The following FHIT variants were observed in gnomAD, a reference collection of about 807,000 sequenced individuals.
The protein encoded by FHIT is bis(5'-adenosyl)-triphosphatase.
Under a neutral mutation model 17.9 loss-of-function variants are expected in FHIT, and 19 were observed. That is an observed-to-expected ratio of 1.06 (90% CI 0.74 to 1.56). The LOEUF is 1.56. FHIT is among the 40% of genes most tolerant of loss of function. FHIT has a pLI of 0.00. For missense variants in FHIT, 248 were observed against 189.2 expected (o/e 1.31, Z -1.82); for synonymous variants, 81 against 69.7 (o/e 1.16, Z -0.81).
intron 5 of FHIT, among the ~76,000 whole-genome samples, chr3:60,273,308 C>T (rs1025264082): frequency 1.3e-5 from 2 of 151,666 alleles, no homozygotes; most frequent in Admixed American, 6.6e-5. Context: ...TGTAATTCTT[C>T]TGTTTAAAAG....
chr3:60,498,187 T>C (rs1341037826), intron 5 of FHIT, among the ~76,000 whole-genome samples: 1 of 152,222 alleles, frequency 6.6e-6, no homozygotes, highest in Admixed American at 6.5e-5. Flanking sequence ...CCAGTTTAAA[T>C]ACTATTTTAA....
At chr3:60,702,582 T>C (rs1399881133) in intron 4 of FHIT, among the ~76,000 whole-genome samples, 1 of 152,100 alleles carries the variant, frequency 6.6e-6, no homozygotes, top group Non-Finnish European at 1.5e-5. Context: ...ATTTGATTTT[T>C]ATATATTTAT....
chr3:60,016,772 C>T (rs1700360888), intron 5 of FHIT, among the ~76,000 whole-genome samples: 1 of 152,160 alleles, frequency 6.6e-6, no homozygotes, highest in South Asian at 2.1e-4. Context: ...TTTCTCCACA[C>T]CTAGACCAAA....
At chr3:60,197,893 C>T (rs1277726979) in intron 5 of FHIT, among the ~76,000 whole-genome samples, 1 of 152,154 alleles carries the variant, frequency 6.6e-6, no homozygotes, top group Non-Finnish European at 1.5e-5. Flanking sequence ...TTTGTAACTT[C>T]ACAAACTTGA....
chr3:60,589,929 T>C (rs2038029209), intron 4 of FHIT, among the ~76,000 whole-genome samples: 1 of 152,080 alleles, frequency 6.6e-6, no homozygotes, highest in South Asian at 2.1e-4. Context: ...AGTATGAATC[T>C]GTGGCCTTGA....
rs76990307 is a variant in FHIT at position 60,917,945 on chromosome 3, G to T, written c.-110-95934C>A. Among the ~76,000 whole-genome samples, 1,178 of 152,238 alleles carry T rather than the reference G, an allele frequency of 7.7e-3. 23 individuals carry two copies. The highest frequency in any genetic ancestry group is 0.027 in the African/African-American group (1,107 of 41,540). On this transcript the variant is annotated intron_variant, in intron 3 of 9. Coordinates refer to ENST00000492590, the MANE Select transcript of FHIT (RefSeq NM_002012.4). ...GACTGTGAACTACACCCATTGATATGGTTTGGTTGTGTGCCCACCTAAATC... is the reference window on the plus strand; with the variant it reads ...GACTGTGAACTACACCCATTGATATTGTTTGGTTGTGTGCCCACCTAAATC...
intron 8 of FHIT, among the ~76,000 whole-genome samples, chr3:59,873,031 G>T (rs905264645): frequency 2.0e-5 from 3 of 152,180 alleles, no homozygotes; most frequent in African/African-American, 7.2e-5. Flanking sequence ...TGAGTCAAGG[G>T]TCAAATCACA....
chr3:59,987,745 CTA>C (rs1169126279), intron 7 of FHIT, among the ~76,000 whole-genome samples: 3 of 151,822 alleles, frequency 2.0e-5, no homozygotes, highest in Admixed American at 1.3e-4. Flanking sequence ...GAGTTTGGGG[CTA>C]TTAGGAGAAA....
chr3:59,779,993 G>A (rs1280810646), intron 8 of FHIT, among the ~76,000 whole-genome samples: 1 of 152,202 alleles, frequency 6.6e-6, no homozygotes, highest in Non-Finnish European at 1.5e-5. Context: ...GAAGGTGGGT[G>A]AAAGCCACAA....
chr3:60,108,942 C>T lies in FHIT; in HGVS notation c.104-94790G>A, dbSNP rs554476462. Among the ~76,000 whole-genome samples the T allele has an allele frequency of 7.2e-5, 11 of 152,276 alleles. No individual in the cohort carries two copies. The South Asian group carries it at 1.0e-3, about 14-fold the overall frequency. On this transcript the variant is annotated intron_variant, in intron 5 of 9. Coordinates refer to ENST00000492590, the MANE Select transcript of FHIT (RefSeq NM_002012.4). ...CCTCCCAAAGTGCCAGGATTACAGG[C>T]GTGAGCCACCATGCCCAGCCATTCC...
intron 4 of FHIT, among the ~76,000 whole-genome samples, chr3:60,595,314 C>T (rs569984889): frequency 5.3e-5 from 8 of 150,696 alleles, no homozygotes; most frequent in South Asian, 2.1e-4. Context: ...TAGGGGAAAG[C>T]GAAACATCAG....
chr3:60,407,098 T>G (rs954749224), intron 5 of FHIT, among the ~76,000 whole-genome samples: 7 of 141,278 alleles, frequency 5.0e-5, no homozygotes, highest in African/African-American at 1.9e-4. Flanking sequence ...TTTTTTTGCT[T>G]AAGCTAAATA....
intron 5 of FHIT, among the ~76,000 whole-genome samples, chr3:60,282,227 T>G (rs1460810891): frequency 6.6e-6 from 1 of 152,218 alleles, no homozygotes; most frequent in Admixed American, 6.5e-5. Context: ...ATAGAAACTT[T>G]ATTCATAATA....
Position 60,919,079 on chromosome 3 carries a change from A to G in FHIT, c.-110-97068T>C, listed in dbSNP as rs576248892. On this transcript the variant is annotated intron_variant, in intron 3 of 9. Transcript: ENST00000492590. ...GACACAAAGCAGAGTCAACCTTTAA[A>G]GTAAGCAAAGGGGGCTCAGTGGAAA... 3.3e-4 allele frequency among the ~76,000 whole-genome samples: 51 copies of G among 152,292 alleles called. No homozygotes were observed. The South Asian group carries it at 1.0e-2, about 30-fold the overall frequency.
intron 5 of FHIT, among the ~76,000 whole-genome samples, chr3:60,321,698 A>T (rs933212779): frequency 4.6e-5 from 7 of 152,180 alleles, no homozygotes; most frequent in Non-Finnish European, 1.0e-4. Flanking sequence ...CTCTATCAAA[A>T]TGCCTTAAAT....
intron 8 of FHIT, among the ~76,000 whole-genome samples, chr3:59,821,730 G>T (rs904774933): frequency 2.0e-5 from 3 of 151,824 alleles, no homozygotes; most frequent in South Asian, 2.1e-4. Context: ...GTTTCCTTCT[G>T]CTCCTGGTTC....
chr3:60,674,296 C>T (rs1294616755), intron 4 of FHIT, among the ~76,000 whole-genome samples: 3 of 152,152 alleles, frequency 2.0e-5, no homozygotes, highest in Non-Finnish European at 4.4e-5. Context: ...CCCGCCTCTT[C>T]ATTTTATGTC....
intron 4 of FHIT, among the ~76,000 whole-genome samples, chr3:60,599,625 A>T (rs966388752): frequency 4.6e-5 from 7 of 151,908 alleles, no homozygotes; most frequent in African/African-American, 1.7e-4. Flanking sequence ...TGTTGGTACA[A>T]CAGTAAGACA....
intron 5 of FHIT, among the ~76,000 whole-genome samples, chr3:60,077,784 G>C (rs1365046101): frequency 6.7e-6 from 1 of 148,712 alleles, no homozygotes; most frequent in Non-Finnish European, 1.5e-5. Context: ...AACAAGTCTA[G>C]AGATCTAATA....
Sources: allele counts gnomAD v4.1 joint callset (sites outside exome capture counted in the v4.1 genomes callset), GRCh38; gene constraint gnomAD v4.1.1; transcripts MANE v1.5; gene names NCBI Gene and HGNC (gene_info 2026-07-23, HGNC 2026-07-21).